The following LRP1B variants were observed in gnomAD, a reference collection of about 807,000 sequenced individuals.
The protein encoded by LRP1B is low-density lipoprotein receptor-related protein 1B.
Under a neutral mutation model 556.6 loss-of-function variants are expected in LRP1B, and 217 were observed. The ratio of observed to expected loss-of-function variants is 0.39; its 90% CI spans 0.35 to 0.44. The LOEUF (loss-of-function observed/expected upper bound fraction) is 0.44. Ranked by LOEUF, LRP1B falls within the 20% of genes least tolerant of loss-of-function variation. LRP1B has a pLI of 1.00. For missense variants in LRP1B, 5,053 were observed against 5,620.8 expected, an observed-to-expected ratio of 0.90 and a Z score of 3.23; for synonymous variants, 2,047 against 1,865.8, an observed-to-expected ratio of 1.10 and a Z score of -2.50.
At chr2:140,316,579 TAC>T (rs1480435938) in intron 82 of LRP1B, among the ~76,000 whole-genome samples, 4 of 152,204 alleles carry the variant, frequency 2.6e-5, no homozygotes, top group South Asian at 2.1e-4. Flanking sequence ...TATAAAAAAT[TAC>T]AGTGGTATAA....
chr2:140,943,144 A>G (rs1695449273), intron 20 of LRP1B, among the ~76,000 whole-genome samples: 1 of 152,126 alleles, frequency 6.6e-6, no homozygotes, highest in African/African-American at 2.4e-5. Flanking sequence ...TCTTGTATCA[A>G]GTAAAATAGA....
At chr2:140,687,600 T>C (rs1395459681) in intron 41 of LRP1B, among the ~76,000 whole-genome samples, 1 of 152,072 alleles carries the variant, frequency 6.6e-6, no homozygotes, top group Non-Finnish European at 1.5e-5. Flanking sequence ...CAAGTTCTTT[T>C]AATATACTCT....
At chr2:141,203,424 G>T (rs892675103) in intron 6 of LRP1B, among the ~76,000 whole-genome samples, 2 of 151,740 alleles carry the variant, frequency 1.3e-5, no homozygotes, top group Non-Finnish European at 2.9e-5. Flanking sequence ...AAGCAATAAA[G>T]ATCAAAGAGA....
chr2:142,024,624 T>TTG (rs1355372057), intron 1 of LRP1B, among the ~76,000 whole-genome samples: 5 of 150,836 alleles, frequency 3.3e-5, no homozygotes, highest in Admixed American at 2.6e-4. Flanking sequence ...TGAAATGTTT[T>TTG]TTTTTTTTTT....
At chr2:141,763,900 A>C (rs2105600426) in intron 2 of LRP1B, among the ~76,000 whole-genome samples, 1 of 152,284 alleles carries the variant, frequency 6.6e-6, no homozygotes, top group South Asian at 2.1e-4. Context: ...GAAGGAAGAG[A>C]ATAATATATC....
At chr2:141,323,432 A>G (rs1336149623) in intron 3 of LRP1B, among the ~76,000 whole-genome samples, 1 of 152,180 alleles carries the variant, frequency 6.6e-6, no homozygotes, top group East Asian at 1.9e-4. Context: ...TCAAAAATAT[A>G]TAAAATATCA....
intron 2 of LRP1B, among the ~76,000 whole-genome samples, chr2:141,578,715 T>A (rs1686850517): frequency 6.6e-6 from 1 of 152,168 alleles, no homozygotes; most frequent in Non-Finnish European, 1.5e-5. Flanking sequence ...AATTTTAGAT[T>A]ATAACAGCAA....
intron 41 of LRP1B, among the ~76,000 whole-genome samples, chr2:140,673,096 T>A (rs552457915): frequency 2.2e-4 from 34 of 152,292 alleles, no homozygotes; most frequent in African/African-American, 7.7e-4. Flanking sequence ...CTGGTTATTT[T>A]TTGCTTAACA....
chr2:141,002,763 G>A (rs1336908082), intron 15 of LRP1B, among the ~76,000 whole-genome samples: 2 of 151,956 alleles, frequency 1.3e-5, no homozygotes, highest in African/African-American at 4.8e-5. Flanking sequence ...ATGAACAATG[G>A]AGTGCTAAAA....
In LRP1B at chr2:141,229,242, A is replaced by G. The variant is rs1338995370; in HGVS notation, c.791T>C (p.Ile264Thr). ...ATCTGTTAATCCTCCTGCTTTTGTT[A>G]TCTGGATACATTTGAGTTGATTTGA... ...ESSNQLKCIQ[I>T]TKAGGLTDEW... Residue 264 changes from isoleucine (I) to threonine (T), a missense_variant, in exon 6 of 91, where the codon ATA becomes ACA. By Grantham distance (89) the Ile-to-Thr change is moderately conservative. Coordinates refer to ENST00000389484, the MANE Select transcript of LRP1B (RefSeq NM_018557.3). 2 of 1,612,326 alleles carry G rather than the reference A, an allele frequency of 1.2e-6. No individual in the cohort carries two copies. Among genetic ancestry groups the G allele is most frequent in the African/African-American group, 2.7e-5 (2 of 75,002 alleles).
intron 41 of LRP1B, among the ~76,000 whole-genome samples, chr2:140,695,469 A>G (rs11902768): frequency 0.16 from 24,662 of 151,956 alleles, 2,059 homozygotes; most frequent in South Asian, 0.2. Context: ...TCCTTGGATT[A>G]AGTAAATTCT....
At chr2:140,244,239 T>C (rs544138755) in intron 87 of LRP1B, among the ~76,000 whole-genome samples, 7 of 151,226 alleles carry the variant, frequency 4.6e-5, no homozygotes, top group African/African-American at 7.3e-5. Flanking sequence ...TGGTATAATA[T>C]AACCAGTTTT....
intron 32 of LRP1B, among the ~76,000 whole-genome samples, chr2:140,805,989 AG>A (rs1313901360): frequency 6.6e-6 from 1 of 152,154 alleles, no homozygotes; most frequent in East Asian, 1.9e-4. Context: ...GATCTTTGGA[AG>A]GTAATTTGGT....
chr2:141,819,651 C>T (rs1696690551), intron 1 of LRP1B, among the ~76,000 whole-genome samples: 1 of 152,034 alleles, frequency 6.6e-6, no homozygotes, highest in African/African-American at 2.4e-5. Flanking sequence ...AAAATAACAT[C>T]TAGATAGGAG....
At chr2:141,310,539 G>T (rs1028439563) in intron 3 of LRP1B, among the ~76,000 whole-genome samples, 1 of 152,084 alleles carries the variant, frequency 6.6e-6, no homozygotes, top group Non-Finnish European at 1.5e-5. Flanking sequence ...GACACCTAGA[G>T]ATCATAACCT....
chr2:142,016,188 G>A (rs1156922566), intron 1 of LRP1B, among the ~76,000 whole-genome samples: 1 of 152,046 alleles, frequency 6.6e-6, no homozygotes, highest in Non-Finnish European at 1.5e-5. Context: ...ACAGATGCTG[G>A]AGAGGATGTG....
chr2:141,739,959 A>C (rs1050778336), intron 2 of LRP1B, among the ~76,000 whole-genome samples: 2 of 152,106 alleles, frequency 1.3e-5, no homozygotes, highest in South Asian at 4.1e-4. Context: ...TTACATGATG[A>C]GATAACTTTT....
intron 2 of LRP1B, among the ~76,000 whole-genome samples, chr2:141,770,553 G>C (rs540044174): frequency 6.6e-6 from 1 of 152,192 alleles, no homozygotes; most frequent in Admixed American, 6.5e-5. Flanking sequence ...ATATAGAGAA[G>C]CGTTCTCTTT....
At chr2:140,903,636 T>C (rs1257164295) in intron 22 of LRP1B, among the ~76,000 whole-genome samples, 1 of 152,106 alleles carries the variant, frequency 6.6e-6, no homozygotes, top group African/African-American at 2.4e-5. Flanking sequence ...TGTCTATATA[T>C]CTTTTGCAAC....
Sources: allele counts gnomAD v4.1 joint callset (sites outside exome capture counted in the v4.1 genomes callset), GRCh38; gene constraint gnomAD v4.1.1; transcripts MANE v1.5; gene names NCBI Gene and HGNC (gene_info 2026-07-23, HGNC 2026-07-21).